The following IL1RAPL2 variants were observed in gnomAD, a reference collection of about 807,000 sequenced individuals.
IL1RAPL2 encodes the protein X-linked interleukin-1 receptor accessory protein-like 2.
In IL1RAPL2, 3 loss-of-function variants were observed where a neutral mutation model predicts 44.1. The observed-to-expected ratio is 0.07, with a 90% CI of 0.03 to 0.18. The LOEUF (loss-of-function observed/expected upper bound fraction) is 0.18, where lower values mean the gene tolerates loss of function less well. IL1RAPL2 is among the 10% of genes least tolerant of loss of function. The pLI, the probability that IL1RAPL2 is intolerant of heterozygous loss-of-function variation, is 1.00. For missense variants in IL1RAPL2, 391 were observed against 496.4 expected, an observed-to-expected ratio of 0.79 and a Z score of 2.02; for synonymous variants, 181 against 178.8, an observed-to-expected ratio of 1.01 and a Z score of -0.10.
intron 5 of IL1RAPL2, among the ~76,000 whole-genome samples, chrX:105,478,079 G>A (rs748926545): frequency 8.1e-4 from 90 of 110,569 alleles, no homozygotes; most frequent in African/African-American, 2.8e-3. Context: ...ATGTAAGTGT[G>A]CCCCTGGAGT....
At chrX:105,155,066 T>C (rs756926405) in intron 2 of IL1RAPL2, among the ~76,000 whole-genome samples, 1 of 111,566 alleles carries the variant, frequency 9.0e-6, no homozygotes, top group South Asian at 3.7e-4. Flanking sequence ...AATTCCTTTG[T>C]ATTCCCAGGG....
chrX:104,643,641 T>C (rs1929978848), intron 1 of IL1RAPL2, among the ~76,000 whole-genome samples: 1 of 111,140 alleles, frequency 9.0e-6, no homozygotes, highest in South Asian at 3.8e-4. Flanking sequence ...TTGTGCTGAA[T>C]ATGAGTTGTA....
At chrX:105,434,943 T>C (rs2035871453) in intron 5 of IL1RAPL2, among the ~76,000 whole-genome samples, 1 of 111,902 alleles carries the variant, frequency 8.9e-6, no homozygotes, top group African/African-American at 3.3e-5. Context: ...TAGCCAATTT[T>C]CCCAGCACCA....
intron 2 of IL1RAPL2, among the ~76,000 whole-genome samples, chrX:104,905,712 T>C (rs984432855): frequency 1.5e-4 from 17 of 111,497 alleles, no homozygotes; most frequent in African/African-American, 3.3e-4. Flanking sequence ...TGTAGCCTTG[T>C]AGTATAGTTT....
At chrX:104,896,778 C>T (rs1923662028) in intron 2 of IL1RAPL2, among the ~76,000 whole-genome samples, 2 of 111,334 alleles carry the variant, frequency 1.8e-5, no homozygotes, top group Admixed American at 1.9e-4. Context: ...TGCTGCTCCT[C>T]ACTCTTTGGG....
intron 2 of IL1RAPL2, among the ~76,000 whole-genome samples, chrX:105,161,218 A>AAATAATAAT (rs34426902): frequency 0.023 from 2,300 of 100,992 alleles, 86 homozygotes; most frequent in African/African-American, 0.075. Context: ...ACCCTGTCTC[A>AAATAATAAT]AATAATAATA....
intron 6 of IL1RAPL2, among the ~76,000 whole-genome samples, chrX:105,523,644 CT>C (rs1204772691): frequency 1.2e-4 from 13 of 111,224 alleles, no homozygotes; most frequent in Non-Finnish European, 2.3e-4. Flanking sequence ...GTGAATTTGC[CT>C]TGGAAATACT....
At chrX:105,216,216 G>A (rs1184740714) in intron 3 of IL1RAPL2, among the ~76,000 whole-genome samples, 12 of 110,977 alleles carry the variant, frequency 1.1e-4, no homozygotes, top group Admixed American at 8.7e-4. Context: ...AAACCCCATC[G>A]TCTCAGCCCA....
At chrX:105,272,877 A>G (rs2034458054) in intron 5 of IL1RAPL2, among the ~76,000 whole-genome samples, 1 of 112,346 alleles carries the variant, frequency 8.9e-6, no homozygotes, top group African/African-American at 3.2e-5. Flanking sequence ...GCAGCTATTT[A>G]CACACAGAGG....
At position 105,486,253 on chromosome X, in the gene IL1RAPL2, C is replaced by G. The variant is rs547871985; in HGVS notation, c.772+1866C>G. Reference sequence around the variant, plus strand: ...GGGATTGTTGAAAGCTTATTTATATCTTGAAAATAAGAGACAGAAAATTAT... The same window carrying G: ...GGGATTGTTGAAAGCTTATTTATATGTTGAAAATAAGAGACAGAAAATTAT... On this transcript the variant is annotated intron_variant, in intron 6 of 10. Transcript: ENST00000372582. Among the ~76,000 whole-genome samples the G allele has an allele frequency of 4.5e-5, 5 of 112,002 alleles. No individual in the cohort carries two copies. In the South Asian group the frequency reaches 1.9e-3, roughly 42 times the overall value.
chrX:105,590,790 C>T (rs1206534015), intron 6 of IL1RAPL2, among the ~76,000 whole-genome samples: 2 of 107,579 alleles, frequency 1.9e-5, no homozygotes, highest in East Asian at 5.9e-4. Flanking sequence ...CTGTTTTTCT[C>T]AAGGAAACAG....
intron 6 of IL1RAPL2, among the ~76,000 whole-genome samples, chrX:105,686,380 C>CAAAAAAAA (rs1177667576): frequency 3.6e-4 from 9 of 25,170 alleles, no homozygotes; most frequent in Non-Finnish European, 4.3e-4. Flanking sequence ...AAATGGAAAG[C>CAAAAAAAA]AAAAAAAAAA....
At chrX:105,235,487 T>C (rs782206215) in intron 4 of IL1RAPL2, among the ~76,000 whole-genome samples, 1 of 111,376 alleles carries the variant, frequency 9.0e-6, no homozygotes, top group South Asian at 3.8e-4. Context: ...TAGGGAAGCT[T>C]AATCCCTAAC....
intron 2 of IL1RAPL2, among the ~76,000 whole-genome samples, chrX:105,108,349 G>A (rs1489201486): frequency 1.8e-5 from 2 of 111,569 alleles, no homozygotes; most frequent in Non-Finnish European, 3.8e-5. Context: ...TTTTGTTTTT[G>A]AGATGGAGTC....
intron 2 of IL1RAPL2, among the ~76,000 whole-genome samples, chrX:105,026,618 C>T (rs1471066422): frequency 9.1e-6 from 1 of 109,850 alleles, no homozygotes; most frequent in South Asian, 3.8e-4. Flanking sequence ...AATTAAATAC[C>T]TAGGAATTAA....
chrX:104,670,075 A>C (rs966311060), intron 2 of IL1RAPL2, among the ~76,000 whole-genome samples: 12 of 111,637 alleles, frequency 1.1e-4, no homozygotes, highest in Non-Finnish European at 1.3e-4. Context: ...GGAGTCTATT[A>C]AGGAGAATTG....
intron 2 of IL1RAPL2, among the ~76,000 whole-genome samples, chrX:104,991,572 A>G (rs1400315429): frequency 8.9e-6 from 1 of 111,933 alleles, no homozygotes. Context: ...CTGTGTTCAC[A>G]TTAATGGCCA....
intron 6 of IL1RAPL2, among the ~76,000 whole-genome samples, chrX:105,520,949 T>G (rs2036551810): frequency 1.2e-5 from 1 of 86,404 alleles, no homozygotes; most frequent in African/African-American, 4.7e-5. Context: ...TTTTTTTTTT[T>G]TTTGTGAGAC....
intron 2 of IL1RAPL2, among the ~76,000 whole-genome samples, chrX:104,746,081 T>G (rs1281535572): frequency 8.9e-6 from 1 of 112,116 alleles, no homozygotes; most frequent in East Asian, 2.8e-4. Context: ...TTTTATATTT[T>G]ACAATGGTAA....
Sources: gnomAD v4.1 joint callset for allele counts (sites outside exome capture counted in the v4.1 genomes callset) on GRCh38, gnomAD v4.1.1 for gene constraint, MANE v1.5 for transcripts, NCBI Gene and HGNC (gene_info 2026-07-23, HGNC 2026-07-21) for gene names.